The following ADGRV1 variants were observed in gnomAD, a reference collection of about 807,000 sequenced individuals.
ADGRV1 encodes the protein adhesion G protein-coupled receptor V1.
A neutral mutation model predicts 596.2 loss-of-function variants in ADGRV1; 359 were observed. The observed-to-expected ratio is 0.60, with a 90% confidence interval of 0.55 to 0.66. The LOEUF is 0.66. Ranked by LOEUF, ADGRV1 falls within the 30% of genes least tolerant of loss-of-function variation. ADGRV1 has a pLI of 0.00. For synonymous variants in ADGRV1, 2,681 were observed against 2,679.2 expected (o/e 1.00, Z -0.02); for missense variants, 7,274 against 7,575.6 (o/e 0.96, Z 1.48).
At chr5:90,927,823 C>T (rs1431837968) in intron 83 of ADGRV1, among the ~76,000 whole-genome samples, 1 of 151,792 alleles carries the variant, frequency 6.6e-6, no homozygotes, top group Non-Finnish European at 1.5e-5. Flanking sequence ...TTAGGGCAGG[C>T]CTGGTGGTGA....
At chr5:90,823,813 T>G (rs1763829356) in intron 76 of ADGRV1, among the ~76,000 whole-genome samples, 1 of 152,234 alleles carries the variant, frequency 6.6e-6, no homozygotes, top group Non-Finnish European at 1.5e-5. Context: ...TTTCTATTTT[T>G]TTGTTTCTTG....
chr5:90,708,188 A>G (rs75422449), intron 38 of ADGRV1, among the ~76,000 whole-genome samples: 1 of 152,202 alleles, frequency 6.6e-6, no homozygotes, highest in African/African-American at 2.4e-5. Flanking sequence ...GCTAATCCTT[A>G]TGTTTTTGGT....
At chr5:90,621,218 G>A (rs898704371) in intron 4 of ADGRV1, among the ~76,000 whole-genome samples, 2 of 152,112 alleles carry the variant, frequency 1.3e-5, no homozygotes, top group African/African-American at 4.8e-5. Flanking sequence ...AATAAAACAC[G>A]TTGCAATACT....
intron 83 of ADGRV1, among the ~76,000 whole-genome samples, chr5:90,885,990 A>G (rs1770242821): frequency 6.6e-6 from 1 of 152,082 alleles, no homozygotes; most frequent in Admixed American, 6.6e-5. Context: ...ACTTTAAAAT[A>G]TCGAATACTA....
chr5:90,663,825 A>G (rs1319405966), intron 21 of ADGRV1, among the ~76,000 whole-genome samples: 2 of 151,848 alleles, frequency 1.3e-5, no homozygotes, highest in Non-Finnish European at 2.9e-5. Context: ...TCAGCTTTCT[A>G]CATATGGCTA....
At chr5:90,998,085 C>T (rs945036263) in intron 85 of ADGRV1, among the ~76,000 whole-genome samples, 16 of 152,174 alleles carry the variant, frequency 1.1e-4, no homozygotes, top group African/African-American at 3.9e-4. Context: ...GTATTATTTA[C>T]ATCATTTCCA....
intron 55 of ADGRV1, 120 bp from the exon 56 acceptor site, chr5:90,756,334 A>G (rs1755824919): frequency 4.9e-6 from 3 of 615,654 alleles, no homozygotes; most frequent in Non-Finnish European, 8.3e-6. Flanking sequence ...TATGTTTGAC[A>G]GAGCTGCCCA....
intron 87 of ADGRV1, among the ~76,000 whole-genome samples, chr5:91,104,552 A>G (rs1208277450): frequency 1.3e-5 from 2 of 152,122 alleles, no homozygotes; most frequent in African/African-American, 4.8e-5. Flanking sequence ...CTGTAATTTT[A>G]TATCTTTTAA....
intron 75 of ADGRV1, among the ~76,000 whole-genome samples, chr5:90,817,547 G>T (rs1222469342): frequency 6.6e-6 from 1 of 151,634 alleles, no homozygotes; most frequent in Non-Finnish European, 1.5e-5. Context: ...ATGGTTTTAG[G>T]TCTAATGTTT....
intron 77 of ADGRV1, among the ~76,000 whole-genome samples, chr5:90,829,442 T>G: frequency 6.6e-6 from 1 of 152,214 alleles, no homozygotes; most frequent in Non-Finnish European, 1.5e-5. Flanking sequence ...CTATCTTACA[T>G]AAATCTGTTT....
intron 86 of ADGRV1, among the ~76,000 whole-genome samples, chr5:91,078,827 A>G (rs1013806422): frequency 6.6e-6 from 1 of 152,226 alleles, no homozygotes; most frequent in African/African-American, 2.4e-5. Flanking sequence ...AGATTGCAGA[A>G]TTGGGAGAAA....
At chr5:90,822,023 C>T (rs570654944) in intron 75 of ADGRV1, 14 of 156,128 alleles carry the variant, frequency 9.0e-5, no homozygotes, top group Admixed American at 3.9e-4. Flanking sequence ...GCCTCGCTGC[C>T]GCCTTGCAGG....
At chr5:90,587,473 G>T (rs1031557200) in intron 1 of ADGRV1, among the ~76,000 whole-genome samples, 12 of 151,438 alleles carry the variant, frequency 7.9e-5, no homozygotes, top group African/African-American at 2.9e-4. Context: ...ACGTGATACT[G>T]ATATTTCCAG....
intron 39 of ADGRV1, among the ~76,000 whole-genome samples, chr5:90,709,118 G>T (rs1207614971): frequency 6.6e-6 from 1 of 152,004 alleles, no homozygotes; most frequent in Non-Finnish European, 1.5e-5. Context: ...ATTGTGTGAT[G>T]CTCTTTAAAT....
intron 13 of ADGRV1, among the ~76,000 whole-genome samples, 191 bp from the exon 14 acceptor site, chr5:90,643,612 G>A (rs190078379): frequency 7.2e-5 from 11 of 152,122 alleles, no homozygotes; most frequent in African/African-American, 1.9e-4. Context: ...CAATGTATAC[G>A]TATTTCTGGT....
At chr5:90,909,095 T>G (rs1772598437) in intron 83 of ADGRV1, among the ~76,000 whole-genome samples, 1 of 152,204 alleles carries the variant, frequency 6.6e-6, no homozygotes, top group African/African-American at 2.4e-5. Context: ...CTGGACAGTG[T>G]TCTTTGCCTG....
chr5:91,081,563 CA>C (rs1447941894), intron 86 of ADGRV1, among the ~76,000 whole-genome samples: 27 of 152,204 alleles, frequency 1.8e-4, no homozygotes, highest in Middle Eastern at 3.4e-3. Context: ...GCAGGTGAAT[CA>C]TCTGAGGTCA....
chr5:91,002,328 A>G (rs913339920), intron 85 of ADGRV1, among the ~76,000 whole-genome samples: 1 of 152,152 alleles, frequency 6.6e-6, no homozygotes, highest in Non-Finnish European at 1.5e-5. Flanking sequence ...CGTGTTTTTT[A>G]AAAACAGTTT....
At position 90,596,034 on chromosome 5, in the gene ADGRV1, G is replaced by A. The variant is rs921760236; in HGVS notation, c.23-18801G>A. Among the ~76,000 whole-genome samples the A allele has an allele frequency of 1.0e-4, 15 of 150,122 alleles. No homozygotes were observed. The South Asian group carries it at 1.9e-3, about 19-fold the overall frequency. On this transcript the variant is annotated intron_variant, in intron 1 of 89. Transcript: ENST00000405460. ...CGGAGAGGCTCCTCACTTCTCATAC[G>A]GGGTGGCTGCCGGGCGGAGGGTCTC...
Sources: gnomAD v4.1 joint callset for allele counts (sites outside exome capture counted in the v4.1 genomes callset) on GRCh38, gnomAD v4.1.1 for gene constraint, MANE v1.5 for transcripts, NCBI Gene and HGNC (gene_info 2026-07-23, HGNC 2026-07-21) for gene names.